The following SMARCC1 variants were observed in gnomAD, a reference collection of about 807,000 sequenced individuals.
SMARCC1 encodes the protein SWI/SNF related BAF chromatin remodeling complex subunit C1, also known as SWI/SNF complex subunit SMARCC1.
A neutral mutation model predicts 147.4 loss-of-function variants in SMARCC1; 43 were observed. The ratio of observed to expected loss-of-function variants is 0.29; its 90% CI spans 0.23 to 0.38. SMARCC1 has a LOEUF of 0.38. SMARCC1 is among the 10% of genes least tolerant of loss of function. The pLI, the probability that SMARCC1 is intolerant of heterozygous loss-of-function variation, is 1.00. For synonymous variants in SMARCC1, 495 were observed against 484.4 expected, an observed-to-expected ratio of 1.02 and a Z score of -0.29; for missense variants, 1,119 against 1,381.1, an observed-to-expected ratio of 0.81 and a Z score of 3.01.
At chr3:47,624,912 A>G (rs2032786998) in intron 24 of SMARCC1, among the ~76,000 whole-genome samples, 1 of 151,406 alleles carries the variant, frequency 6.6e-6, no homozygotes, top group South Asian at 2.1e-4. Context: ...AAAAAAAAAA[A>G]AAAGCTGGAT....
intron 25 of SMARCC1, among the ~76,000 whole-genome samples, chr3:47,618,753 C>T (rs531824953): frequency 6.6e-6 from 1 of 152,040 alleles, no homozygotes; most frequent in South Asian, 2.1e-4. Flanking sequence ...ACAGATCCAT[C>T]AGAAGGTTTA....
At chr3:47,680,268 T>G in intron 15 of SMARCC1, 169 bp downstream of exon 15, 1 of 575,626 alleles carries the variant, frequency 1.7e-6, no homozygotes, top group Non-Finnish European at 3.1e-6. Context: ...CGAAACTAGA[T>G]ACAATTTCCT....
intron 14 of SMARCC1, among the ~76,000 whole-genome samples, chr3:47,684,075 C>T (rs1333670165): frequency 6.6e-6 from 1 of 151,962 alleles, no homozygotes; most frequent in Non-Finnish European, 1.5e-5. Flanking sequence ...CCCGTCTCTA[C>T]TAAAAATACA....
intron 24 of SMARCC1, among the ~76,000 whole-genome samples, chr3:47,633,836 A>G (rs1321394523): frequency 6.7e-6 from 1 of 149,240 alleles, no homozygotes; most frequent in Non-Finnish European, 1.5e-5. Context: ...AAAATGTGAG[A>G]GACTATGACC....
chr3:47,644,121 AAAATGAG>A (rs1366055397), intron 21 of SMARCC1, among the ~76,000 whole-genome samples: 1 of 152,192 alleles, frequency 6.6e-6, no homozygotes, highest in Non-Finnish European at 1.5e-5. Context: ...GTGCAAGGCT[AAAATGAG>A]AAATGATCAC....
intron 26 of SMARCC1, among the ~76,000 whole-genome samples, chr3:47,595,703 G>A (rs2032264437): frequency 6.6e-6 from 1 of 150,420 alleles, no homozygotes; most frequent in African/African-American, 2.4e-5. Flanking sequence ...TCTTTCATCT[G>A]TATTACACCG....
chr3:47,688,415 T>C (rs1559645478), intron 13 of SMARCC1, among the ~76,000 whole-genome samples: 2 of 151,656 alleles, frequency 1.3e-5, no homozygotes, highest in East Asian at 1.9e-4. Context: ...CATCCTTGAA[T>C]GTATACAACA....
At chr3:47,705,904 A>T (rs1451713190) in intron 10 of SMARCC1, among the ~76,000 whole-genome samples, 15 of 152,310 alleles carry the variant, frequency 9.8e-5, no homozygotes, top group Admixed American at 9.8e-4. Flanking sequence ...CCCTCAAAAC[A>T]ATCTATTCAG....
At chr3:47,656,986 A>C (rs2033270704) in intron 21 of SMARCC1, among the ~76,000 whole-genome samples, 1 of 152,234 alleles carries the variant, frequency 6.6e-6, no homozygotes, top group Non-Finnish European at 1.5e-5. Flanking sequence ...CGCTAATATC[A>C]GGTAAGATAG....
rs1406763088 is a variant in SMARCC1 at position 47,633,817 on chromosome 3, C to CACAT, written c.2646+1372_2646+1373insATGT. On this transcript the variant is annotated intron_variant, in intron 24 of 27. Transcript: ENST00000254480. The stretch of plus-strand genomic sequence containing the variant: ...ACACACACACACACACACACACACA[C>CACAT]ATATATATAAAATGTGAGAGACTAT... Among the ~76,000 whole-genome samples the CACAT allele has an allele frequency of 1.5e-3, 189 of 125,246 alleles. 1 individual carries two copies. The highest frequency in any genetic ancestry group is 2.6e-3 in the Non-Finnish European group (157 of 59,702). The allele number at this position is 125,246 out of a possible 152,430, so 82.2% of individuals were successfully genotyped here. A position where few individuals can be genotyped will look rare whatever the true frequency, so the allele number is the denominator to read the frequency against.
chr3:47,729,458 C>T (rs573459795), intron 5 of SMARCC1, among the ~76,000 whole-genome samples: 1 of 152,308 alleles, frequency 6.6e-6, no homozygotes, highest in Admixed American at 6.5e-5. Context: ...TCTTGGCTCA[C>T]TGCAACCTCC....
intron 3 of SMARCC1, among the ~76,000 whole-genome samples, chr3:47,740,769 T>G (rs144229031): frequency 1.3e-5 from 2 of 149,486 alleles, no homozygotes; most frequent in East Asian, 4.0e-4. Flanking sequence ...TTTACAGCCC[T>G]ACTGGCTAGA....
intron 26 of SMARCC1, among the ~76,000 whole-genome samples, chr3:47,593,369 A>G (rs1559620932): frequency 6.6e-6 from 1 of 151,436 alleles, no homozygotes; most frequent in Non-Finnish European, 1.5e-5. Context: ...ACAGCGTTGC[A>G]CCATGTTGCC....
chr3:47,717,833 C>T (rs1337534941), intron 7 of SMARCC1, among the ~76,000 whole-genome samples: 1 of 152,010 alleles, frequency 6.6e-6, no homozygotes, highest in Non-Finnish European at 1.5e-5. Context: ...TCCCAAAGTG[C>T]TGGGATTACA....
intron 9 of SMARCC1, 151 bp downstream of exon 9, chr3:47,710,532 C>T (rs1284746893): frequency 1.4e-6 from 1 of 695,070 alleles, no homozygotes; most frequent in African/African-American, 1.8e-5. Flanking sequence ...ATTACAGCCA[C>T]TTTGGAATTT....
intron 21 of SMARCC1, among the ~76,000 whole-genome samples, chr3:47,660,997 C>A (rs894946727): frequency 6.6e-6 from 1 of 152,068 alleles, no homozygotes; most frequent in Non-Finnish European, 1.5e-5. Flanking sequence ...CTTTTTTTCA[C>A]CTACAGTTCC....
At chr3:47,728,742 C>A (rs1419233476) in intron 6 of SMARCC1, among the ~76,000 whole-genome samples, 1 of 152,044 alleles carries the variant, frequency 6.6e-6, no homozygotes, top group Non-Finnish European at 1.5e-5. Flanking sequence ...ATTCTTGTCT[C>A]TACTAAAAAT....
At chr3:47,781,518 G>C in intron 1 of SMARCC1, 85 bp downstream of exon 1, 1 of 962,676 alleles carries the variant, frequency 1.0e-6, no homozygotes, top group Non-Finnish European at 1.4e-6. Flanking sequence ...GCGGGGGGGA[G>C]GGGCGGCCCG....
At chr3:47,754,832 C>G (rs2034669831) in intron 2 of SMARCC1, among the ~76,000 whole-genome samples, 1 of 152,300 alleles carries the variant, frequency 6.6e-6, no homozygotes, top group East Asian at 1.9e-4. Context: ...CACTGTAAGT[C>G]AGGAGTTCGA....
Sources: allele counts gnomAD v4.1 joint callset (sites outside exome capture counted in the v4.1 genomes callset), GRCh38; gene constraint gnomAD v4.1.1; transcripts MANE v1.5; gene names NCBI Gene and HGNC (gene_info 2026-07-23, HGNC 2026-07-21).